The following WDR70 variants were observed in gnomAD, a reference collection of about 807,000 sequenced individuals.
WDR70 encodes the protein WD repeat domain 70, also known as WD repeat-containing protein 70.
WDR70 carries 53 observed loss-of-function variants against 88.6 expected under a neutral mutation model. The observed-to-expected ratio is 0.60, with a 90% CI of 0.48 to 0.75. The LOEUF (loss-of-function observed/expected upper bound fraction) is 0.75, where lower values mean the gene tolerates loss of function less well. Ranked by LOEUF, WDR70 falls within the 30% of genes least tolerant of loss-of-function variation. The probability of loss-of-function intolerance (pLI) is 0.00; values close to 1 mark genes in which losing one functional copy is unlikely to be tolerated. For synonymous variants in WDR70, 280 were observed against 270.0 expected (o/e 1.04, Z -0.36); for missense variants, 610 against 823.2 (o/e 0.74, Z 3.17).
intron 8 of WDR70, among the ~76,000 whole-genome samples, chr5:37,486,919 G>C (rs1217891485): frequency 1.3e-5 from 2 of 152,020 alleles, no homozygotes; most frequent in Non-Finnish European, 2.9e-5. Flanking sequence ...TAGGTTGTCT[G>C]TTCACTCTGT....
intron 9 of WDR70, among the ~76,000 whole-genome samples, chr5:37,595,733 C>G (rs1743682521): frequency 6.6e-6 from 1 of 152,140 alleles, no homozygotes; most frequent in Admixed American, 6.6e-5. Flanking sequence ...ACAAGAAGAG[C>G]TCCTTGAGAG....
chr5:37,619,799 A>T (rs1297517405), intron 10 of WDR70, among the ~76,000 whole-genome samples: 1 of 151,768 alleles, frequency 6.6e-6, no homozygotes. Context: ...ACAGTAATTT[A>T]TCAAATTTCT....
chr5:37,477,852 T>C (rs1228164578), intron 7 of WDR70, among the ~76,000 whole-genome samples: 1 of 152,214 alleles, frequency 6.6e-6, no homozygotes, highest in Non-Finnish European at 1.5e-5. Context: ...TACTTCTTGC[T>C]CACCTGATTG....
At chr5:37,694,105 C>A (rs1056845081) in intron 10 of WDR70, among the ~76,000 whole-genome samples, 2 of 152,152 alleles carry the variant, frequency 1.3e-5, no homozygotes, top group Non-Finnish European at 2.9e-5. Flanking sequence ...AAATGCTCAT[C>A]GTCACTGATT....
chr5:37,415,375 T>C (rs1749675084), intron 5 of WDR70, among the ~76,000 whole-genome samples: 2 of 130,706 alleles, frequency 1.5e-5, no homozygotes, highest in African/African-American at 2.6e-5. Context: ...GAGGCACCCC[T>C]CACCTCCCGG....
At chr5:37,562,231 C>T (rs1742526917) in intron 9 of WDR70, among the ~76,000 whole-genome samples, 1 of 152,112 alleles carries the variant, frequency 6.6e-6, no homozygotes, top group East Asian at 1.9e-4. Flanking sequence ...GTGGCACATG[C>T]CTGTAATCCC....
chr5:37,551,302 T>C (rs761621394), intron 9 of WDR70, among the ~76,000 whole-genome samples: 3 of 149,312 alleles, frequency 2.0e-5, no homozygotes, highest in South Asian at 2.1e-4. Context: ...TAAAACTTTG[T>C]TCCCCCCCTC....
chr5:37,751,218 G>C (rs941465454), intron 17 of WDR70, among the ~76,000 whole-genome samples: 8 of 152,198 alleles, frequency 5.3e-5, no homozygotes, highest in Non-Finnish European at 7.4e-5. Context: ...CCTTGTTGTA[G>C]CATGTTAGAA....
chr5:37,405,452 C>T (rs554953982), intron 5 of WDR70, among the ~76,000 whole-genome samples: 5 of 151,704 alleles, frequency 3.3e-5, no homozygotes, highest in East Asian at 3.9e-4. Context: ...CAGGTTCAAG[C>T]GATTCTCCTG....
chr5:37,691,929 A>T (rs1328319416), intron 10 of WDR70, among the ~76,000 whole-genome samples: 1 of 152,184 alleles, frequency 6.6e-6, no homozygotes, highest in Non-Finnish European at 1.5e-5. Flanking sequence ...TGGTTTTTTG[A>T]AAAGATCAAC....
intron 5 of WDR70, among the ~76,000 whole-genome samples, chr5:37,435,020 G>T (rs766132437): frequency 1.3e-5 from 2 of 152,294 alleles, no homozygotes; most frequent in Middle Eastern, 6.8e-3. Flanking sequence ...TGATTTAGCT[G>T]TGCCAATTAT....
intron 9 of WDR70, among the ~76,000 whole-genome samples, chr5:37,553,429 T>C (rs1157267146): frequency 6.6e-6 from 1 of 152,192 alleles, no homozygotes; most frequent in African/African-American, 2.4e-5. Context: ...AGTGCGGTGC[T>C]TTTTCAAACT....
chr5:37,752,444 T>C, intron 17 of WDR70, 42 bp from the exon 18 acceptor site: 1 of 1,514,458 alleles, frequency 6.6e-7, no homozygotes, highest in Non-Finnish European at 9.0e-7. Context: ...ACAAATACTT[T>C]CTGACTAAAT....
intron 8 of WDR70, chr5:37,506,630 A>G (rs1435887282): frequency 1.0e-5 from 8 of 778,332 alleles, no homozygotes; most frequent in Admixed American, 6.8e-5. Flanking sequence ...GAGGCTTAGA[A>G]TCTGTCTGAA....
Position 37,678,557 on chromosome 5 carries a change from G to A in WDR70, c.1093-19098G>A, listed in dbSNP as rs1306725402. Among the ~76,000 whole-genome samples, 1,138 of 152,118 alleles carry A rather than the reference G, an allele frequency of 7.5e-3. 10 individuals are homozygous for A. Among genetic ancestry groups the A allele is most frequent in the African/African-American group, 0.026 (1,069 of 41,488 alleles). ...TTTTCTTTAAGAATGTTGAATATTG[G>A]CCCCCACTCTCTTCTGGCTTGTAGA... is the stretch of plus-strand genomic sequence containing the variant. On this transcript the variant is annotated intron_variant, in intron 10 of 17. Transcript: ENST00000265107.
chr5:37,396,177 G>A lies in WDR70; in HGVS notation c.297-198G>A, dbSNP rs552892666. Among the ~76,000 whole-genome samples, 71 of 58,080 alleles carry A rather than the reference G, an allele frequency of 1.2e-3. 1 individual carries two copies. Among genetic ancestry groups the A allele is most frequent in the African/African-American group, 2.9e-3 (67 of 23,154 alleles). The allele number at this position is 58,080 out of a possible 152,430, so 38.1% of individuals were successfully genotyped here. ...GCTGTGACCCTTTATTTTTGACTGCGTAAGACGGTTTTTTTTAACTTTCTT... is the reference window on the plus strand; with the variant it reads ...GCTGTGACCCTTTATTTTTGACTGCATAAGACGGTTTTTTTTAACTTTCTT... On this transcript the variant is annotated intron_variant, in intron 4 of 17. Coordinates refer to ENST00000265107, the MANE Select transcript of WDR70 (RefSeq NM_018034.4).
intron 5 of WDR70, among the ~76,000 whole-genome samples, chr5:37,417,414 G>GGA (rs1166168098): frequency 6.6e-6 from 1 of 151,932 alleles, no homozygotes. Context: ...TTCTAGAGAT[G>GGA]GAGTTTCCTC....
At chr5:37,622,463 TTC>T (rs1744534601) in intron 10 of WDR70, among the ~76,000 whole-genome samples, 1 of 151,968 alleles carries the variant, frequency 6.6e-6, no homozygotes, top group East Asian at 1.9e-4. Context: ...TGCAGCACTA[TTC>T]ACAATAGCAA....
intron 10 of WDR70, among the ~76,000 whole-genome samples, chr5:37,650,262 G>A (rs970196881): frequency 6.6e-6 from 1 of 151,610 alleles, no homozygotes; most frequent in Non-Finnish European, 1.5e-5. Flanking sequence ...TTAGCTGGGT[G>A]TGGTGGTGGG....
Sources: allele counts gnomAD v4.1 joint callset (sites outside exome capture counted in the v4.1 genomes callset), GRCh38; gene constraint gnomAD v4.1.1; transcripts MANE v1.5; gene names NCBI Gene and HGNC (gene_info 2026-07-23, HGNC 2026-07-21).